Variants in CNTN5 observed in about 807,000 individuals in gnomAD.
CNTN5 encodes the protein contactin 5, also known as contactin-5.
CNTN5 carries 77 observed loss-of-function variants against 129.1 expected under a neutral mutation model. That is an observed-to-expected ratio of 0.60 (90% CI 0.50 to 0.72). The LOEUF (loss-of-function observed/expected upper bound fraction) is 0.72, where lower values mean the gene tolerates loss of function less well. Among genes scored for constraint, CNTN5 ranks in the 30% least tolerant of loss-of-function variants. CNTN5 has a pLI of 0.00. For synonymous variants in CNTN5, 509 were observed against 465.6 expected (o/e 1.09, Z -1.20); for missense variants, 1,478 against 1,328.8 (o/e 1.11, Z -1.75).
chr11:99,301,197 T>A (rs998324210), intron 1 of CNTN5, among the ~76,000 whole-genome samples: 3 of 151,488 alleles, frequency 2.0e-5, no homozygotes, highest in Non-Finnish European at 1.5e-5. Context: ...GAAATAATAA[T>A]ACACATAGAA....
chr11:99,411,851 T>C (rs926323641), intron 2 of CNTN5, among the ~76,000 whole-genome samples: 1 of 152,220 alleles, frequency 6.6e-6, no homozygotes, highest in African/African-American at 2.4e-5. Context: ...TACATATGGT[T>C]GATTGGTAAA....
chr11:99,843,199 G>A (rs192427058), intron 4 of CNTN5, among the ~76,000 whole-genome samples: 440 of 152,332 alleles, frequency 2.9e-3, no homozygotes, highest in Middle Eastern at 3.4e-3. Context: ...TCTCTAGACA[G>A]AGTGGGAGTG....
Position 99,191,036 on chromosome 11 carries a change from G to A in CNTN5, c.-209-134310G>A, listed in dbSNP as rs147148515. Among the ~76,000 whole-genome samples, 357 of 151,478 alleles carry A rather than the reference G, an allele frequency of 2.4e-3. 1 individual carries two copies. Among genetic ancestry groups the A allele is most frequent in the African/African-American group, 8.2e-3 (341 of 41,450 alleles). On this transcript the variant is annotated intron_variant, in intron 1 of 24. Coordinates refer to ENST00000524871, the MANE Select transcript of CNTN5 (RefSeq NM_014361.4). ...CATTCCTTCTAAATCTAATGTTTAA[G>A]GGTGTTTATCATAAAAGGATGTTGA...
chr11:99,726,802 C>CA (rs1265322682), intron 3 of CNTN5, among the ~76,000 whole-genome samples: 1 of 152,092 alleles, frequency 6.6e-6, no homozygotes, highest in Non-Finnish European at 1.5e-5. Flanking sequence ...AACCACTGCA[C>CA]AATACCACTC....
chr11:100,268,166 A>G (rs933758247), intron 17 of CNTN5, among the ~76,000 whole-genome samples: 4 of 152,176 alleles, frequency 2.6e-5, no homozygotes, highest in African/African-American at 9.6e-5. Flanking sequence ...GGAATGAGAT[A>G]AAGAGTTCCA....
intron 2 of CNTN5, among the ~76,000 whole-genome samples, chr11:99,329,773 T>A (rs1865926264): frequency 6.6e-6 from 1 of 152,176 alleles, no homozygotes; most frequent in African/African-American, 2.4e-5. Context: ...ATTTGCTGAC[T>A]GAAGATACTT....
chr11:99,427,538 G>A (rs1033829498), intron 2 of CNTN5, among the ~76,000 whole-genome samples: 8 of 152,002 alleles, frequency 5.3e-5, no homozygotes, highest in Middle Eastern at 3.4e-3. Context: ...AGGCCGAGGC[G>A]GGCGGATCAT....
chr11:99,445,267 C>A (rs1944016313), intron 2 of CNTN5, among the ~76,000 whole-genome samples: 1 of 151,182 alleles, frequency 6.6e-6, no homozygotes, highest in Non-Finnish European at 1.5e-5. Flanking sequence ...TTAAGAGTTC[C>A]ATTTCACCTC....
intron 18 of CNTN5, among the ~76,000 whole-genome samples, chr11:100,293,801 A>T (rs1369582042): frequency 1.3e-5 from 2 of 151,730 alleles, no homozygotes; most frequent in Non-Finnish European, 3.0e-5. Context: ...TAATAAGAAT[A>T]AAAGCATTAT....
chr11:99,397,870 G>A (rs1941606888), intron 2 of CNTN5, among the ~76,000 whole-genome samples: 1 of 151,748 alleles, frequency 6.6e-6, no homozygotes, highest in Non-Finnish European at 1.5e-5. Flanking sequence ...CATTTCTAAG[G>A]AATATTGTTG....
intron 3 of CNTN5, among the ~76,000 whole-genome samples, chr11:99,816,104 G>C (rs1441789694): frequency 6.6e-6 from 1 of 152,098 alleles, no homozygotes; most frequent in Admixed American, 6.5e-5. Context: ...AGAGAACACT[G>C]ATCTTCAAAA....
intron 2 of CNTN5, among the ~76,000 whole-genome samples, chr11:99,428,419 G>A (rs773600112): frequency 2.6e-5 from 4 of 151,638 alleles, no homozygotes; most frequent in Non-Finnish European, 5.9e-5. Flanking sequence ...AAATTAGCTG[G>A]GCTTCGTGGC....
At chr11:99,608,183 A>T (rs1012979618) in intron 3 of CNTN5, among the ~76,000 whole-genome samples, 2 of 151,536 alleles carry the variant, frequency 1.3e-5, no homozygotes, top group Non-Finnish European at 2.9e-5. Context: ...TTATCTGCTG[A>T]AAAGTCATAA....
At chr11:100,039,160 C>T (rs1021785078) in intron 9 of CNTN5, among the ~76,000 whole-genome samples, 2 of 152,130 alleles carry the variant, frequency 1.3e-5, no homozygotes, top group African/African-American at 4.8e-5. Flanking sequence ...TTAGGGCAGG[C>T]CTGGTAGTGA....
intron 1 of CNTN5, among the ~76,000 whole-genome samples, chr11:99,021,721 T>A (rs1862878740): frequency 6.6e-6 from 1 of 152,222 alleles, no homozygotes; most frequent in Admixed American, 6.5e-5. Flanking sequence ...GGCATTGCAA[T>A]AACTTGTTAA....
At chr11:100,233,071 A>T (rs1009253155) in intron 16 of CNTN5, among the ~76,000 whole-genome samples, 2 of 152,294 alleles carry the variant, frequency 1.3e-5, no homozygotes, top group South Asian at 4.1e-4. Flanking sequence ...AATGTCACTA[A>T]CAAGTAGAAG....
intron 7 of CNTN5, among the ~76,000 whole-genome samples, chr11:99,939,558 A>G (rs917489222): frequency 1.3e-5 from 2 of 152,122 alleles, no homozygotes; most frequent in African/African-American, 4.8e-5. Context: ...GATTTTATAA[A>G]AAGAAGGAAA....
At chr11:99,711,087 C>A (rs1039234092) in intron 3 of CNTN5, among the ~76,000 whole-genome samples, 1 of 151,866 alleles carries the variant, frequency 6.6e-6, no homozygotes, top group African/African-American at 2.4e-5. Context: ...ATAATAACTT[C>A]TAAATTTCCC....
chr11:99,253,421 C>T (rs765911221), intron 1 of CNTN5, among the ~76,000 whole-genome samples: 1 of 152,020 alleles, frequency 6.6e-6, no homozygotes. Context: ...ACGTCAACAA[C>T]GTATAGCCAT....
Sources: gnomAD v4.1 joint callset for allele counts (sites outside exome capture counted in the v4.1 genomes callset) on GRCh38, gnomAD v4.1.1 for gene constraint, MANE v1.5 for transcripts, NCBI Gene and HGNC (gene_info 2026-07-23, HGNC 2026-07-21) for gene names.